Variants in DEPDC7 observed in about 807,000 individuals in gnomAD.
DEPDC7 encodes the protein DEP domain containing 7.
In DEPDC7, 41 loss-of-function variants were observed where a neutral mutation model predicts 56.6. The observed-to-expected ratio is 0.72, with a 90% CI of 0.56 to 0.94. DEPDC7 has a LOEUF of 0.94. Ranked by LOEUF, DEPDC7 falls within the 40% of genes least tolerant of loss-of-function variation. DEPDC7 has a pLI of 0.00. For synonymous variants in DEPDC7, 185 were observed against 208.8 expected (o/e 0.89, Z 0.98); for missense variants, 522 against 596.3 (o/e 0.88, Z 1.30).
chr11:33,028,907 G>T, intron 4 of DEPDC7, 115 bp downstream of exon 4: 1 of 623,762 alleles, frequency 1.6e-6, no homozygotes, highest in Non-Finnish European at 2.5e-6. Context: ...ATTGTTAGTT[G>T]ATATTATCAG....
chr11:33,026,300 A>G (rs1853577725), intron 2 of DEPDC7: 1 of 495,520 alleles, frequency 2.0e-6, no homozygotes, highest in Non-Finnish European at 3.7e-6. Flanking sequence ...TGCAGTGTAA[A>G]AAGTGTTCTC....
chr11:33,033,140 C>A, intron 8 of DEPDC7, 122 bp from the exon 9 acceptor site: 1 of 884,888 alleles, frequency 1.1e-6, no homozygotes, highest in Non-Finnish European at 1.7e-6. Context: ...CAGTGCTTAC[C>A]ATCTTCAGTG....
chr11:33,028,734 A>G lies in DEPDC7; in HGVS notation c.724A>G (p.Met242Val). Reference sequence around the variant, plus strand: ...TCCTCAACCTAAGAGGCAGTCCACCATGGTCAACAGCAGTAACTATCTGGA... The same window carrying G: ...TCCTCAACCTAAGAGGCAGTCCACCGTGGTCAACAGCAGTAACTATCTGGA... ...KIPQPKRQST[M>V]VNSSNYLDRG... Residue 242 changes from methionine (M) to valine (V), a missense_variant, in exon 4 of 9, where the codon ATG becomes GTG. Coordinates refer to ENST00000241051, the MANE Select transcript of DEPDC7 (RefSeq NM_001077242.2). 2 of 1,613,980 alleles carry G rather than the reference A, an allele frequency of 1.2e-6. No individual in the cohort carries two copies. The highest frequency in any genetic ancestry group is 1.6e-4 in the Middle Eastern group (1 of 6,062).
At chr11:33,021,352 G>A (rs1432778453) in intron 1 of DEPDC7, among the ~76,000 whole-genome samples, 1 of 152,136 alleles carries the variant, frequency 6.6e-6, no homozygotes, top group African/African-American at 2.4e-5. Flanking sequence ...TCATATGAAA[G>A]TGAGGTTTGA....
chr11:33,016,368 A>G (rs914171949), intron 1 of DEPDC7: 15 of 1,439,602 alleles, frequency 1.0e-5, no homozygotes, highest in Non-Finnish European at 1.3e-5. Context: ...CCGCGGTGCT[A>G]CCGGTGACAA....
At chr11:33,033,195 C>G in intron 8 of DEPDC7, 67 bp from the exon 9 acceptor site, 1 of 1,243,554 alleles carries the variant, frequency 8.0e-7, no homozygotes, top group Non-Finnish European at 1.1e-6. Context: ...AAGAATATTG[C>G]TTGATTTTTC....
Position 33,028,706 on chromosome 11 carries a change from A to G in DEPDC7, c.696A>G (p.Lys232=), listed in dbSNP as rs1017992400. The G allele has an allele frequency of 6.2e-7, 1 of 1,613,974 alleles. No individual in the cohort carries two copies. The change falls in exon 4 of 9, where the codon AAA becomes AAG. Residue 232 remains lysine, a synonymous_variant. Coordinates refer to ENST00000241051, the MANE Select transcript of DEPDC7 (RefSeq NM_001077242.2). The part of the protein sequence containing the change: ...SLLKQQEAVP[K]IPQPKRQSTM... ...TGAAACAGCAAGAGGCTGTACCTAA[A>G]ATTCCTCAACCTAAGAGGCAGTCCA...
intron 1 of DEPDC7, among the ~76,000 whole-genome samples, chr11:33,018,525 A>G (rs1853489101): frequency 6.6e-6 from 1 of 152,154 alleles, no homozygotes; most frequent in Non-Finnish European, 1.5e-5. Flanking sequence ...CCTTTATGTG[A>G]TTGAATACTA....
chr11:33,026,090 G>C (rs879708135), intron 2 of DEPDC7, 41 bp downstream of exon 2: 8 of 1,608,110 alleles, frequency 5.0e-6, no homozygotes, highest in Non-Finnish European at 6.8e-6. Context: ...ATATTGGCAG[G>C]ATTTTGTCTA....
At chr11:33,028,821 G>GA in intron 4 of DEPDC7, 29 bp downstream of exon 4, 1 of 1,539,116 alleles carries the variant, frequency 6.5e-7, no homozygotes. Context: ...AATAATTTGA[G>GA]TGTGTTTGTA....
chr11:33,021,030 C>G (rs942321181), intron 1 of DEPDC7, among the ~76,000 whole-genome samples: 1 of 151,926 alleles, frequency 6.6e-6, no homozygotes, highest in Non-Finnish European at 1.5e-5. Context: ...GGGTGGATCA[C>G]GAGGTCAGGA....
intron 1 of DEPDC7, chr11:33,016,620 T>C (rs747407686): frequency 3.1e-6 from 5 of 1,604,008 alleles, no homozygotes; most frequent in Non-Finnish European, 4.3e-6. Context: ...AGCAGTATTT[T>C]AGTGAATAGA....
At position 33,032,913 on chromosome 11, in the gene DEPDC7, G is replaced by C. The variant is rs756884786; in HGVS notation, c.1288G>C (p.Val430Leu). The change falls in exon 8 of 9, where the codon GTA (valine) becomes CTA (leucine). Residue 430 changes from valine (V) to leucine (L), a missense_variant. Transcript: ENST00000241051. ...GATTCCTGGAACTCTACATAAAATT[G>C]TAAGTGTTAAGCTTATGGCCATACA... ...FKIPGTLHKIVSVKLMAIQNG... is the reference protein window; with the variant it reads ...FKIPGTLHKILSVKLMAIQNG... The C allele has an allele frequency of 6.2e-7, 1 of 1,604,326 alleles. No homozygotes were observed. The highest frequency in any genetic ancestry group is 8.5e-7 in the Non-Finnish European group (1 of 1,176,216).
At position 33,031,508 on chromosome 11, in the gene DEPDC7, G is replaced by A. The variant is rs1564966202; in HGVS notation, c.913G>A (p.Ala305Thr). The change falls in exon 5 of 9, where the codon GCC becomes ACC. Residue 305 changes from alanine (A) to threonine (T), a missense_variant. Coordinates refer to ENST00000241051, the MANE Select transcript of DEPDC7 (RefSeq NM_001077242.2). ...TDLVKELLFD[A>T]IGRYYSSREP... ...CTTAGTGAAAGAACTTCTGTTTGATGCCATTGGCAGATATTACAGTAGTAG... is the reference window on the plus strand; with the variant it reads ...CTTAGTGAAAGAACTTCTGTTTGATACCATTGGCAGATATTACAGTAGTAG... 6.2e-7 allele frequency: 1 copy of A among 1,614,118 alleles called. No homozygotes were observed. The highest frequency in any genetic ancestry group is 1.1e-5 in the South Asian group (1 of 91,082).
At chr11:33,027,615 CTT>C in intron 2 of DEPDC7, 69 bp from the exon 3 acceptor site, 5 of 1,372,840 alleles carry the variant, frequency 3.6e-6, no homozygotes, top group Non-Finnish European at 4.8e-6. Context: ...GTAGAAAACT[CTT>C]AGCTCTCAAA....
At chr11:33,017,526 C>T (rs1564962600) in intron 1 of DEPDC7, among the ~76,000 whole-genome samples, 1 of 152,314 alleles carries the variant, frequency 6.6e-6, no homozygotes, top group East Asian at 1.9e-4. Flanking sequence ...CTGTCCTCGG[C>T]ACACTAGCTG....
At chr11:33,028,503 G>A (rs1212032933) in intron 3 of DEPDC7, 100 bp from the exon 4 acceptor site, 2 of 920,156 alleles carry the variant, frequency 2.2e-6, no homozygotes. Context: ...TTTCTTTTTG[G>A]CCACAAATTT....
rs1383826333 is a variant in DEPDC7 at position 33,032,476 on chromosome 11, GAAGT to G, written c.1137+3_1137+6del. Reference sequence around the variant, plus strand: ...TCCTTCTGAGTTTAAATTACAGAAAGAAGTAAGTCTTTTGTTTAACTGTTAGTTG... The same window carrying G: ...TCCTTCTGAGTTTAAATTACAGAAAGAAGTCTTTTGTTTAACTGTTAGTTG... On this transcript the variant is annotated splice_donor_variant and coding_sequence_variant, in exon 6 of 9. Coordinates refer to ENST00000241051, the MANE Select transcript of DEPDC7 (RefSeq NM_001077242.2). LOFTEE classifies it high-confidence loss of function. 6.4e-7 allele frequency: 1 copy of G among 1,555,418 alleles called. No homozygotes were observed. Among genetic ancestry groups the G allele is most frequent in the Non-Finnish European group, 8.6e-7 (1 of 1,162,350 alleles).
In DEPDC7 at chr11:33,015,954, C is replaced by T. The variant is rs1367199951; in HGVS notation, c.-2C>T. 5 of 1,574,846 alleles carry T rather than the reference C, an allele frequency of 3.2e-6. No individual in the cohort carries two copies. Among genetic ancestry groups the T allele is most frequent in the African/African-American group, 2.7e-5 (2 of 73,314 alleles). On this transcript the variant is annotated 5_prime_UTR_variant, in exon 1 of 9. Transcript: ENST00000241051. ...GGAGTTGGCGTCCGGGGAGCAAGGG[C>T]CATGGCCACCGTGCAGGAGAAGGCT...
Sources: gnomAD v4.1 joint callset for allele counts (sites outside exome capture counted in the v4.1 genomes callset) on GRCh38, gnomAD v4.1.1 for gene constraint, MANE v1.5 for transcripts, NCBI Gene and HGNC (gene_info 2026-07-23, HGNC 2026-07-21) for gene names.